The following KCNH1 variants were observed in gnomAD, a reference collection of about 807,000 sequenced individuals.
KCNH1 encodes the protein voltage-gated delayed rectifier potassium channel KCNH1.
KCNH1 carries 27 observed loss-of-function variants against 69.2 expected under a neutral mutation model. The observed-to-expected ratio is 0.39, with a 90% CI of 0.29 to 0.54. KCNH1 has a LOEUF of 0.54. KCNH1 is among the 20% of genes least tolerant of loss of function. KCNH1 has a pLI of 0.68. For synonymous variants in KCNH1, 456 were observed against 487.7 expected (o/e 0.93, Z 0.86); for missense variants, 798 against 1,261.6 (o/e 0.63, Z 5.57).
Position 211,018,980 on chromosome 1 carries a change from C to T in KCNH1, c.835G>A (p.Glu279Lys). The T allele has an allele frequency of 1.2e-6, 2 of 1,614,082 alleles. No individual in the cohort carries two copies. Among genetic ancestry groups the T allele is most frequent in the East Asian group, 2.2e-5 (1 of 44,882 alleles). ...FHTTFVGPAG[E>K]VISDPKLIRM... ...ATAAGTTTGGGGTCAGAAATCACCTCCCCTGCTGGTCCAACAAAGGTGGTA... is the reference window on the plus strand; with the variant it reads ...ATAAGTTTGGGGTCAGAAATCACCTTCCCTGCTGGTCCAACAAAGGTGGTA... Residue 279 changes from glutamate (E) to lysine (K), a missense_variant, in exon 6 of 11, where the codon GAG becomes AAG. By Grantham distance (56) the Glu-to-Lys change is moderately conservative. Transcript: ENST00000271751.
chr1:210,727,926 A>G (rs1289862505), intron 10 of KCNH1, among the ~76,000 whole-genome samples: 1 of 152,228 alleles, frequency 6.6e-6, no homozygotes, highest in African/African-American at 2.4e-5. Flanking sequence ...GACTGATCTA[A>G]ACTACAAAGC....
intron 7 of KCNH1, among the ~76,000 whole-genome samples, chr1:210,913,142 C>T (rs776856949): frequency 5.9e-5 from 9 of 152,172 alleles, no homozygotes; most frequent in South Asian, 2.1e-4. Flanking sequence ...CCAACTGAAA[C>T]GCATAGTAGT....
intron 6 of KCNH1, among the ~76,000 whole-genome samples, chr1:210,997,464 A>G (rs1051063872): frequency 1.8e-4 from 28 of 152,316 alleles, no homozygotes; most frequent in Admixed American, 9.1e-4. Flanking sequence ...TTTAGAGAAA[A>G]AAGAATAAAA....
intron 6 of KCNH1, among the ~76,000 whole-genome samples, chr1:210,967,230 G>C (rs140744878): frequency 1.3e-5 from 2 of 152,056 alleles, no homozygotes; most frequent in Non-Finnish European, 2.9e-5. Context: ...GTAGATCATG[G>C]GCTGATGGGT....
chr1:211,067,305 C>G (rs1690550159), intron 5 of KCNH1, among the ~76,000 whole-genome samples: 3 of 152,354 alleles, frequency 2.0e-5, no homozygotes, highest in South Asian at 2.1e-4. Context: ...GCTTCAGGGA[C>G]TGCAATTAGC....
At chr1:211,029,057 A>AT (rs1457359650) in intron 5 of KCNH1, among the ~76,000 whole-genome samples, 9 of 150,700 alleles carry the variant, frequency 6.0e-5, no homozygotes, top group Admixed American at 4.7e-4. Context: ...GAGGCCAGGC[A>AT]TGGTGGCTCA....
At chr1:210,744,967 C>T (rs1238036465) in intron 10 of KCNH1, among the ~76,000 whole-genome samples, 3 of 141,802 alleles carry the variant, frequency 2.1e-5, no homozygotes, top group Non-Finnish European at 4.6e-5. Context: ...CTTTGGGAGG[C>T]CAAGGCGGGT....
intron 10 of KCNH1, among the ~76,000 whole-genome samples, chr1:210,709,158 ATAAT>A (rs1360889494): frequency 6.6e-6 from 1 of 152,194 alleles, no homozygotes; most frequent in Non-Finnish European, 1.5e-5. Flanking sequence ...CTGAAGCAAA[ATAAT>A]TATTTAAACC....
At chr1:211,075,163 G>A (rs1290053680) in intron 5 of KCNH1, among the ~76,000 whole-genome samples, 1 of 152,192 alleles carries the variant, frequency 6.6e-6, no homozygotes, top group Non-Finnish European at 1.5e-5. Context: ...AGTACAGGCT[G>A]TGAGTTGAAA....
At chr1:211,022,827 G>A (rs1689610711) in intron 5 of KCNH1, among the ~76,000 whole-genome samples, 1 of 151,976 alleles carries the variant, frequency 6.6e-6, no homozygotes. Flanking sequence ...AAAAAGTGCT[G>A]ATGGCCAGGC....
chr1:210,849,671 G>A (rs114870146), intron 7 of KCNH1, among the ~76,000 whole-genome samples: 1 of 151,980 alleles, frequency 6.6e-6, no homozygotes, highest in Non-Finnish European at 1.5e-5. Flanking sequence ...CAGCTGCCAT[G>A]AGCCTTTTAA....
chr1:211,118,277 C>T (rs890565034), intron 1 of KCNH1, among the ~76,000 whole-genome samples: 3 of 152,216 alleles, frequency 2.0e-5, no homozygotes, highest in African/African-American at 7.2e-5. Context: ...TATGTAACTT[C>T]CAATCAGCCA....
chr1:211,082,419 A>G (rs1236084286), intron 5 of KCNH1, among the ~76,000 whole-genome samples: 1 of 152,190 alleles, frequency 6.6e-6, no homozygotes, highest in Non-Finnish European at 1.5e-5. Flanking sequence ...TCTTCTTTTC[A>G]CTACCTGTAT....
At chr1:210,985,928 C>T (rs1452694535) in intron 6 of KCNH1, among the ~76,000 whole-genome samples, 1 of 151,998 alleles carries the variant, frequency 6.6e-6, no homozygotes, top group Non-Finnish European at 1.5e-5. Context: ...AAGTCTCTTT[C>T]TAGGTCGCTA....
At chr1:210,710,740 C>T (rs1682052256) in intron 10 of KCNH1, among the ~76,000 whole-genome samples, 1 of 151,658 alleles carries the variant, frequency 6.6e-6, no homozygotes, top group African/African-American at 2.4e-5. Context: ...TGCCCTCAAA[C>T]GCTGGCTCCT....
At chr1:210,688,559 A>T (rs191630001) in intron 10 of KCNH1, among the ~76,000 whole-genome samples, 8 of 152,338 alleles carry the variant, frequency 5.3e-5, no homozygotes, top group Non-Finnish European at 8.8e-5. Flanking sequence ...TGCACCACAC[A>T]TAGGCTCCTG....
At chr1:210,914,680 T>C (rs952879721) in intron 7 of KCNH1, among the ~76,000 whole-genome samples, 36 of 152,082 alleles carry the variant, frequency 2.4e-4, no homozygotes, top group African/African-American at 8.7e-4. Context: ...TTAATCAGGA[T>C]GGTATCTGGC....
chr1:210,713,797 T>C (rs1682140749), intron 10 of KCNH1, among the ~76,000 whole-genome samples: 1 of 152,212 alleles, frequency 6.6e-6, no homozygotes, highest in Non-Finnish European at 1.5e-5. Context: ...GCTCATGTTG[T>C]ATTAAAGACA....
chr1:211,050,197 T>C (rs1004882672), intron 5 of KCNH1, among the ~76,000 whole-genome samples: 1 of 143,848 alleles, frequency 7.0e-6, no homozygotes, highest in Admixed American at 7.4e-5. Flanking sequence ...AAAGCTTCCC[T>C]GTTTAGAAAC....
Sources: allele counts gnomAD v4.1 joint callset (sites outside exome capture counted in the v4.1 genomes callset), GRCh38; gene constraint gnomAD v4.1.1; transcripts MANE v1.5; gene names NCBI Gene and HGNC (gene_info 2026-07-23, HGNC 2026-07-21).